OSBPL8: variants seen among roughly 807,000 people sequenced by gnomAD.
OSBPL8 encodes the protein oxysterol-binding protein-related protein 8.
A neutral mutation model predicts 125.5 loss-of-function variants in OSBPL8; 59 were observed. The observed-to-expected ratio is 0.47, with a 90% CI of 0.38 to 0.58. The LOEUF (loss-of-function observed/expected upper bound fraction) is 0.58, where lower values mean the gene tolerates loss of function less well. OSBPL8 is among the 20% of genes least tolerant of loss of function. The probability of loss-of-function intolerance (pLI) is 0.00; values close to 1 mark genes in which losing one functional copy is unlikely to be tolerated. For missense variants in OSBPL8, 758 were observed against 1,047.8 expected, an observed-to-expected ratio of 0.72 and a Z score of 3.82; for synonymous variants, 330 against 338.9, an observed-to-expected ratio of 0.97 and a Z score of 0.29.
chr12:76,523,026 C>T lies in OSBPL8; in HGVS notation c.-67-35408G>A, dbSNP rs1473116849. Among the ~76,000 whole-genome samples, 12 of 152,014 alleles carry T rather than the reference C, an allele frequency of 7.9e-5. No homozygotes were observed. The East Asian group carries it at 9.6e-4, about 12-fold the overall frequency. On this transcript the variant is annotated intron_variant, in intron 1 of 23. Coordinates refer to ENST00000261183, the MANE Select transcript of OSBPL8 (RefSeq NM_020841.5). Reference sequence around the variant, plus strand: ...CTAATTTTTGTATTTTTTGTAGAGACGGGGTCTTGCCCTGTTTCCCCAGCT... The same window carrying T: ...CTAATTTTTGTATTTTTTGTAGAGATGGGGTCTTGCCCTGTTTCCCCAGCT...
rs1951890410 is a variant in OSBPL8 at position 76,353,512 on chromosome 12, C to G, written c.*2377G>C. ...AAACCCTCATGAGGCTCTCAGACAA[C>G]TGGGAACCGTTTACGGTCCATGTGT... On this transcript the variant is annotated 3_prime_UTR_variant, in exon 24 of 24. Coordinates refer to ENST00000261183, the MANE Select transcript of OSBPL8 (RefSeq NM_020841.5). 1 of 152,012 alleles carries G rather than the reference C, an allele frequency of 6.6e-6. No homozygotes were observed. The highest frequency in any genetic ancestry group is 2.1e-4 in the South Asian group (1 of 4,822). The allele number at this position is 152,012 out of a possible 1,614,324, so 9.4% of individuals were successfully genotyped here.
At chr12:76,475,574 CT>C (rs1431891526) in intron 2 of OSBPL8, among the ~76,000 whole-genome samples, 1 of 152,172 alleles carries the variant, frequency 6.6e-6, no homozygotes, top group South Asian at 2.1e-4. Context: ...TCTTTTAAAT[CT>C]CTGGTCCACT....
chr12:76,481,896 C>T (rs1034281488), intron 2 of OSBPL8, among the ~76,000 whole-genome samples: 19 of 152,286 alleles, frequency 1.2e-4, no homozygotes, highest in South Asian at 2.1e-4. Flanking sequence ...TCTTAGAATA[C>T]GATTTAAGGC....
intron 1 of OSBPL8, among the ~76,000 whole-genome samples, chr12:76,532,380 T>A (rs376738449): frequency 6.6e-6 from 1 of 152,334 alleles, no homozygotes. Flanking sequence ...TTCACTTTAT[T>A]ATTTGTTAAA....
chr12:76,432,458 G>A (rs969001154), intron 4 of OSBPL8, among the ~76,000 whole-genome samples: 2 of 152,118 alleles, frequency 1.3e-5, no homozygotes, highest in African/African-American at 4.8e-5. Context: ...GCACATGCCT[G>A]TAGTCTCAGC....
At chr12:76,384,614 G>A (rs1319024056) in intron 14 of OSBPL8, among the ~76,000 whole-genome samples, 2 of 152,164 alleles carry the variant, frequency 1.3e-5, no homozygotes, top group African/African-American at 4.8e-5. Flanking sequence ...GTGACACTAT[G>A]TAATTTCTGA....
chr12:76,369,933 T>C, intron 19 of OSBPL8, 111 bp from the exon 20 acceptor site: 1 of 1,103,856 alleles, frequency 9.1e-7, no homozygotes, highest in African/African-American at 1.6e-5. Flanking sequence ...CATGAATTTC[T>C]GGCTTTGACA....
At chr12:76,545,238 G>A (rs1414461928) in intron 1 of OSBPL8, among the ~76,000 whole-genome samples, 1 of 152,124 alleles carries the variant, frequency 6.6e-6, no homozygotes, top group African/African-American at 2.4e-5. Context: ...TACACTAAAT[G>A]TCTGTTTTTA....
intron 1 of OSBPL8, among the ~76,000 whole-genome samples, chr12:76,528,424 GAGTT>G (rs1480667760): frequency 6.6e-6 from 1 of 151,322 alleles, no homozygotes; most frequent in African/African-American, 2.4e-5. Flanking sequence ...TTGTAAATAA[GAGTT>G]AGTTTTGATT....
chr12:76,363,752 TCTATCC>T (rs1342502623), intron 21 of OSBPL8, among the ~76,000 whole-genome samples: 1 of 152,180 alleles, frequency 6.6e-6, no homozygotes, highest in African/African-American at 2.4e-5. Flanking sequence ...ATGTTTGCCA[TCTATCC>T]ATCTGACAAA....
At chr12:76,453,299 A>T (rs1873638428) in intron 3 of OSBPL8, among the ~76,000 whole-genome samples, 1 of 152,196 alleles carries the variant, frequency 6.6e-6, no homozygotes, top group Non-Finnish European at 1.5e-5. Context: ...TTTTTATAAA[A>T]CATCATAAAG....
chr12:76,496,762 G>A (rs1312991254), intron 1 of OSBPL8, among the ~76,000 whole-genome samples: 2 of 151,918 alleles, frequency 1.3e-5, no homozygotes, highest in African/African-American at 4.8e-5. Flanking sequence ...GGCTGGCCTC[G>A]AACTCCTGAC....
At chr12:76,510,962 T>A (rs1278567556) in intron 1 of OSBPL8, among the ~76,000 whole-genome samples, 2 of 151,814 alleles carry the variant, frequency 1.3e-5, no homozygotes, top group African/African-American at 2.4e-5. Context: ...AAAACAAACA[T>A]CATTGCTGTC....
At chr12:76,371,776 T>C in intron 18 of OSBPL8, 192 bp from the exon 19 acceptor site, 1 of 427,782 alleles carries the variant, frequency 2.3e-6, no homozygotes, top group Non-Finnish European at 3.8e-6. Flanking sequence ...TAAGATTGAC[T>C]ACGTAATACT....
chr12:76,404,457 G>C (rs951434634), intron 5 of OSBPL8, among the ~76,000 whole-genome samples: 1 of 152,078 alleles, frequency 6.6e-6, no homozygotes, highest in Non-Finnish European at 1.5e-5. Context: ...TTTGAACTGC[G>C]TGGGTCCACT....
At chr12:76,375,925 C>T (rs1010345319) in intron 16 of OSBPL8, among the ~76,000 whole-genome samples, 8 of 152,052 alleles carry the variant, frequency 5.3e-5, no homozygotes, top group African/African-American at 9.7e-5. Context: ...TTAAAAGCTA[C>T]GTTTAGGCTT....
intron 1 of OSBPL8, among the ~76,000 whole-genome samples, chr12:76,543,253 G>A: frequency 6.6e-6 from 1 of 151,984 alleles, no homozygotes; most frequent in East Asian, 1.9e-4. Flanking sequence ...AAATTATTCT[G>A]GAACCTCAAA....
intron 1 of OSBPL8, among the ~76,000 whole-genome samples, chr12:76,528,421 TAA>T (rs1565973191): frequency 2.0e-5 from 3 of 150,970 alleles, no homozygotes; most frequent in Non-Finnish European, 4.4e-5. Context: ...CTCTTGTAAA[TAA>T]GAGTTAGTTT....
At chr12:76,507,231 G>C (rs995070136) in intron 1 of OSBPL8, among the ~76,000 whole-genome samples, 3 of 151,690 alleles carry the variant, frequency 2.0e-5, no homozygotes, top group African/African-American at 7.3e-5. Context: ...AGTTCCTAGA[G>C]AAAGTAATTT....
Sources: allele counts gnomAD v4.1 joint callset (sites outside exome capture counted in the v4.1 genomes callset), GRCh38; gene constraint gnomAD v4.1.1; transcripts MANE v1.5; gene names NCBI Gene and HGNC (gene_info 2026-07-23, HGNC 2026-07-21).